GCNT2: variants seen among roughly 807,000 people sequenced by gnomAD.
GCNT2 encodes glucosaminyl (N-acetyl) transferase 2 (I blood group).
A neutral mutation model predicts 34.2 loss-of-function variants in GCNT2; 34 were observed. That is an observed-to-expected ratio of 1.00 (90% confidence interval 0.76 to 1.32). GCNT2 has a LOEUF of 1.32. Ranked by LOEUF, GCNT2 falls within the 40% of genes most tolerant of loss-of-function variation. GCNT2 has a pLI of 0.00. For missense variants in GCNT2, 584 were observed against 489.4 expected, an observed-to-expected ratio of 1.19 and a Z score of -1.82; for synonymous variants, 212 against 188.0, an observed-to-expected ratio of 1.13 and a Z score of -1.04.
At chr6:10,569,229 C>T (rs910657810) in intron 3 of GCNT2, among the ~76,000 whole-genome samples, 59 of 35,092 alleles carry the variant, frequency 1.7e-3, no homozygotes, top group Non-Finnish European at 3.7e-3. Flanking sequence ...CCACCCACTC[C>T]CCCCGCCACA....
intron 4 of GCNT2, among the ~76,000 whole-genome samples, chr6:10,624,485 G>A (rs181822320): frequency 7.2e-5 from 11 of 152,196 alleles, no homozygotes; most frequent in Admixed American, 3.3e-4. Context: ...TGCCCCCCAC[G>A]ATTCAACTAT....
chr6:10,620,781 G>C (rs1385392950), intron 3 of GCNT2, among the ~76,000 whole-genome samples: 1 of 152,112 alleles, frequency 6.6e-6, no homozygotes, highest in Non-Finnish European at 1.5e-5. Context: ...TTATTTCATA[G>C]ACAGGGTTAT....
At chr6:10,576,777 C>G (rs75870819) in intron 3 of GCNT2, among the ~76,000 whole-genome samples, 56 of 152,162 alleles carry the variant, frequency 3.7e-4, no homozygotes, top group South Asian at 1.5e-3. Flanking sequence ...AGCAGGAGCT[C>G]AGAAGCACTC....
chr6:10,535,912 T>C (rs1171704019), intron 3 of GCNT2, among the ~76,000 whole-genome samples: 1 of 152,190 alleles, frequency 6.6e-6, no homozygotes, highest in Non-Finnish European at 1.5e-5. Context: ...ACTAGCCCTA[T>C]TGGATATTCC....
chr6:10,531,849 A>G (rs1761505913), intron 3 of GCNT2, among the ~76,000 whole-genome samples: 1 of 149,162 alleles, frequency 6.7e-6, no homozygotes, highest in Non-Finnish European at 1.5e-5. Context: ...GAGAGCAGCC[A>G]GGGAGGTAAA....
At chr6:10,576,575 A>C (rs1763823595) in intron 3 of GCNT2, among the ~76,000 whole-genome samples, 1 of 152,154 alleles carries the variant, frequency 6.6e-6, no homozygotes, top group African/African-American at 2.4e-5. Context: ...CCAGAGGAAG[A>C]AGCATTTGAG....
intron 3 of GCNT2, among the ~76,000 whole-genome samples, chr6:10,617,356 G>T (rs1042287331): frequency 2.6e-5 from 4 of 152,098 alleles, no homozygotes; most frequent in Admixed American, 6.5e-5. Context: ...CACGCTGGCC[G>T]GCAAGCGCTG....
At chr6:10,602,632 G>A (rs973254045) in intron 3 of GCNT2, among the ~76,000 whole-genome samples, 2 of 151,248 alleles carry the variant, frequency 1.3e-5, no homozygotes, top group East Asian at 1.9e-4. Flanking sequence ...GACCTGTCTC[G>A]GTTTGCAAAT....
intron 3 of GCNT2, among the ~76,000 whole-genome samples, chr6:10,530,842 C>G (rs1761453354): frequency 6.6e-6 from 1 of 152,170 alleles, no homozygotes; most frequent in East Asian, 1.9e-4. Context: ...ATCACAAGGT[C>G]AGGAGTTCGA....
At chr6:10,562,857 C>T (rs1161725343) in intron 3 of GCNT2, among the ~76,000 whole-genome samples, 8 of 152,038 alleles carry the variant, frequency 5.3e-5, no homozygotes, top group Admixed American at 5.2e-4. Flanking sequence ...CACTGCAGGA[C>T]ACCCTTTGTC....
At chr6:10,564,420 C>T (rs1050908627) in intron 3 of GCNT2, among the ~76,000 whole-genome samples, 1 of 152,210 alleles carries the variant, frequency 6.6e-6, no homozygotes, top group Non-Finnish European at 1.5e-5. Flanking sequence ...TTAGCTCTCC[C>T]TACCCTCATC....
chr6:10,580,383 C>A (rs1483268174), intron 3 of GCNT2, among the ~76,000 whole-genome samples: 1 of 152,198 alleles, frequency 6.6e-6, no homozygotes, highest in Admixed American at 6.5e-5. Context: ...GACCCTTCAC[C>A]AGCTTCCCGC....
chr6:10,535,344 C>A (rs781495129), intron 3 of GCNT2, among the ~76,000 whole-genome samples: 5 of 152,176 alleles, frequency 3.3e-5, no homozygotes, highest in African/African-American at 1.2e-4. Flanking sequence ...GTCCAAGAAG[C>A]CTCACTAGCT....
chr6:10,527,606 G>T lies in GCNT2; in HGVS notation c.-336G>T, dbSNP rs1008270205. ...ACGTTTTAGATGTATAATCTGATTG[G>T]CATGGACTCACAGAGGAGGGAGTAA... On this transcript the variant is annotated 5_prime_UTR_variant, in exon 2 of 5. Coordinates refer to ENST00000495262, the MANE Select transcript of GCNT2 (RefSeq NM_145649.5). 4 of 152,140 alleles carry T rather than the reference G, an allele frequency of 2.6e-5. No homozygotes were observed. The highest frequency in any genetic ancestry group is 4.8e-5 in the African/African-American group (2 of 41,408). 9.4% of individuals were successfully genotyped at this position (152,140 alleles called of 1,614,324 possible). A position where few individuals can be genotyped will look rare whatever the true frequency, so the allele number is the denominator to read the frequency against.
At chr6:10,571,863 G>A (rs146579152) in intron 3 of GCNT2, among the ~76,000 whole-genome samples, 9 of 150,898 alleles carry the variant, frequency 6.0e-5, no homozygotes, top group Non-Finnish European at 1.2e-4. Flanking sequence ...GAGATTTTCT[G>A]CACTATAGAC....
intron 3 of GCNT2, among the ~76,000 whole-genome samples, chr6:10,538,088 C>G (rs1478052469): frequency 5.3e-5 from 8 of 151,946 alleles, no homozygotes; most frequent in Admixed American, 2.6e-4. Flanking sequence ...ATGCTCATGG[C>G]TTTCACACAT....
At position 10,529,743 on chromosome 6, in the gene GCNT2, C is replaced by G. The variant is rs148004068; in HGVS notation, c.832C>G (p.Leu278Val). ...ALTRDFANFV[L>V]QDQLALDLLS... ...CACAAGGGACTTTGCTAACTTCGTC[C>G]TCCAAGACCAGCTCGCACTTGACTT... The change falls in exon 3 of 5, where the codon CTC (leucine) becomes GTC (valine). Residue 278 changes from leucine (L) to valine (V), a missense_variant. Leu to Val is a conservative substitution (Grantham distance 32). Coordinates refer to ENST00000495262, the MANE Select transcript of GCNT2 (RefSeq NM_145649.5). 2.0e-5 allele frequency: 33 copies of G among 1,614,058 alleles called. No homozygotes were observed. The African/African-American group carries it at 3.9e-4, about 19-fold the overall frequency.
At chr6:10,622,320 T>G (rs1766069288) in intron 4 of GCNT2, among the ~76,000 whole-genome samples, 1 of 152,074 alleles carries the variant, frequency 6.6e-6, no homozygotes, top group South Asian at 2.1e-4. Context: ...GAAATTTATT[T>G]AGTTCTAGAG....
chr6:10,526,054 A>G (rs1044740239), intron 1 of GCNT2, among the ~76,000 whole-genome samples: 1 of 152,244 alleles, frequency 6.6e-6, no homozygotes, highest in East Asian at 1.9e-4. Flanking sequence ...TTCATTTGAT[A>G]TGGACAGGGT....
Sources: gnomAD v4.1 joint callset for allele counts (sites outside exome capture counted in the v4.1 genomes callset) on GRCh38, gnomAD v4.1.1 for gene constraint, MANE v1.5 for transcripts, NCBI Gene and HGNC (gene_info 2026-07-23, HGNC 2026-07-21) for gene names.